Variants in PTPRJ observed in about 807,000 individuals in gnomAD.
PTPRJ encodes the protein receptor-type tyrosine-protein phosphatase eta.
Under a neutral mutation model 141.3 loss-of-function variants are expected in PTPRJ, and 129 were observed. The ratio of observed to expected loss-of-function variants is 0.91; its 90% CI spans 0.79 to 1.06. The LOEUF is 1.06. Ranked by LOEUF, PTPRJ falls within the 50% of genes least tolerant of loss-of-function variation. PTPRJ has a pLI of 0.00. For synonymous variants in PTPRJ, 610 were observed against 640.5 expected, an observed-to-expected ratio of 0.95 and a Z score of 0.72; for missense variants, 1,601 against 1,679.7, an observed-to-expected ratio of 0.95 and a Z score of 0.82.
rs1224606653 is a variant in PTPRJ, at chr11:47,980,907, C to T, written c.-6C>T. The T allele has an allele frequency of 2.3e-5, 27 of 1,153,418 alleles. 1 individual carries two copies. Among genetic ancestry groups the T allele is most frequent in the Non-Finnish European group, 3.2e-6 (3 of 938,622 alleles). 71.4% of individuals were successfully genotyped at this position (1,153,418 alleles called of 1,614,324 possible). ...CGTCCGGGGCACGTTCCAGGGCGCGCGGGGCATGAAGCCGGCGGCGCGGGA... is the reference window on the plus strand; with the variant it reads ...CGTCCGGGGCACGTTCCAGGGCGCGTGGGGCATGAAGCCGGCGGCGCGGGA... On this transcript the variant is annotated 5_prime_UTR_variant, in exon 1 of 25. Coordinates refer to ENST00000418331, the MANE Select transcript of PTPRJ (RefSeq NM_002843.4).
intron 24 of PTPRJ, among the ~76,000 whole-genome samples, chr11:48,165,319 A>C (rs1857892209): frequency 6.6e-6 from 1 of 152,240 alleles, no homozygotes; most frequent in Admixed American, 6.5e-5. Flanking sequence ...ACTATCAATT[A>C]TCATAGCTAC....
intron 2 of PTPRJ, 68 bp downstream of exon 2, chr11:48,110,144 T>C (rs944175723): frequency 6.9e-7 from 1 of 1,457,052 alleles, no homozygotes; most frequent in Non-Finnish European, 9.5e-7. Flanking sequence ...CACAGCAACA[T>C]TAACAGCAAT....
intron 1 of PTPRJ, among the ~76,000 whole-genome samples, chr11:47,996,524 T>C (rs1324882937): frequency 2.0e-5 from 3 of 152,120 alleles, no homozygotes; most frequent in Non-Finnish European, 2.9e-5. Context: ...ACTGCATCTG[T>C]AGCAACAACC....
chr11:47,998,893 A>T (rs1260013393), intron 1 of PTPRJ, among the ~76,000 whole-genome samples: 1 of 152,224 alleles, frequency 6.6e-6, no homozygotes, highest in Non-Finnish European at 1.5e-5. Context: ...TGGAGAGGAC[A>T]GAGTCTGAAG....
chr11:48,053,104 ATATATATAAAATATAT>A (rs1854617555), intron 1 of PTPRJ, among the ~76,000 whole-genome samples: 1 of 126,068 alleles, frequency 7.9e-6, no homozygotes, highest in African/African-American at 3.0e-5. Flanking sequence ...AATTTATATA[ATATATATAAAATATAT>A]TATATATAAA....
chr11:47,987,518 A>G (rs1015383534), intron 1 of PTPRJ, among the ~76,000 whole-genome samples: 1 of 152,234 alleles, frequency 6.6e-6, no homozygotes, highest in Non-Finnish European at 1.5e-5. Flanking sequence ...CAAGACTCAG[A>G]TAGCACCAAC....
chr11:48,034,152 C>G (rs1410081789), intron 1 of PTPRJ, among the ~76,000 whole-genome samples: 2 of 152,176 alleles, frequency 1.3e-5, no homozygotes, highest in Non-Finnish European at 2.9e-5. Context: ...GATGTTGGCT[C>G]TGGCCTTTGC....
At chr11:48,160,075 A>G (rs375134772) in intron 22 of PTPRJ, 26 bp downstream of exon 22, 14 of 1,610,870 alleles carry the variant, frequency 8.7e-6, no homozygotes, top group Non-Finnish European at 1.2e-5. Flanking sequence ...GGATCAGTTG[A>G]GCTCATGTAA....
intron 3 of PTPRJ, among the ~76,000 whole-genome samples, chr11:48,114,738 G>C (rs916075800): frequency 6.6e-6 from 1 of 152,192 alleles, no homozygotes; most frequent in Non-Finnish European, 1.5e-5. Flanking sequence ...GATGGGAGAT[G>C]TATGAACTGT....
intron 1 of PTPRJ, among the ~76,000 whole-genome samples, chr11:48,041,065 A>G (rs888103152): frequency 6.6e-6 from 1 of 152,014 alleles, no homozygotes; most frequent in African/African-American, 2.4e-5. Flanking sequence ...CCACTTTTGG[A>G]AATTCATGCC....
chr11:48,122,890 T>C (rs1328978349), intron 4 of PTPRJ, among the ~76,000 whole-genome samples: 1 of 152,200 alleles, frequency 6.6e-6, no homozygotes, highest in African/African-American at 2.4e-5. Flanking sequence ...TGTGCTTTTC[T>C]GTACATGAAG....
intron 1 of PTPRJ, among the ~76,000 whole-genome samples, chr11:48,049,608 G>C (rs1237499567): frequency 6.7e-6 from 1 of 150,358 alleles, no homozygotes; most frequent in African/African-American, 2.5e-5. Flanking sequence ...CATGTACTCG[G>C]GAGGCTGAGG....
chr11:48,024,295 T>G (rs1853746515), intron 1 of PTPRJ, among the ~76,000 whole-genome samples: 1 of 152,184 alleles, frequency 6.6e-6, no homozygotes, highest in African/African-American at 2.4e-5. Flanking sequence ...CCTCCTGTGT[T>G]CAAGGAATTC....
At position 48,136,146 on chromosome 11, in the gene PTPRJ, A is replaced by G. The variant is rs750870672; in HGVS notation, c.1723A>G (p.Ile575Val). ...TTCCGAGTATGTCTACCATTTAGTC[A>G]TAGAGTCCAAGCATGGCTCTAACCA... is the stretch of plus-strand genomic sequence containing the variant. ...GASEYVYHLV[I>V]ESKHGSNHTS... is the part of the protein sequence containing the mutation. The change falls in exon 9 of 25, where the codon ATA (isoleucine) becomes GTA (valine). Residue 575 changes from isoleucine (I) to valine (V), a missense_variant. Physicochemically the swap from Ile to Val is conservative, Grantham distance 29. Transcript: ENST00000418331. 6.2e-6 allele frequency: 10 copies of G among 1,614,216 alleles called. No homozygotes were observed. The highest frequency in any genetic ancestry group is 8.5e-6 in the Non-Finnish European group (10 of 1,180,038).
rs1014542280 is a variant in PTPRJ, at chr11:48,168,440, T to G, written c.*1078T>G. The G allele has an allele frequency of 2.0e-5, 3 of 149,312 alleles. No individual in the cohort carries two copies. Among genetic ancestry groups the G allele is most frequent in the Non-Finnish European group, 4.4e-5 (3 of 67,416 alleles). The allele number at this position is 149,312 out of a possible 1,614,324, so 9.2% of individuals were successfully genotyped here. On this transcript the variant is annotated 3_prime_UTR_variant, in exon 25 of 25. Transcript: ENST00000418331. ...CAGAAGCGTGGCAATCTGTGAACAC[T>G]TCAGCGTGAATTCAGTGTCAGATTA... is the stretch of plus-strand genomic sequence containing the variant.
rs1856806513 is a variant in PTPRJ at position 48,125,200 on chromosome 11, T to C, written c.1093+14T>C. 5 of 1,611,642 alleles carry C rather than the reference T, an allele frequency of 3.1e-6. No individual in the cohort carries two copies. Among genetic ancestry groups the C allele is most frequent in the Non-Finnish European group, 4.2e-6 (5 of 1,177,818 alleles). On this transcript the variant is annotated intron_variant, in intron 6 of 24. Transcript: ENST00000418331. ...AGTTCAGGACAAGTAGGTTGAACTT[T>C]GTAAAATGGTGGCAGCCAGAGTTTC... is the stretch of plus-strand genomic sequence containing the variant.
chr11:48,090,702 G>A (rs576839322), intron 1 of PTPRJ, among the ~76,000 whole-genome samples: 4 of 152,272 alleles, frequency 2.6e-5, no homozygotes, highest in African/African-American at 7.2e-5. Flanking sequence ...TTCCCAATTC[G>A]CTTAAATTCG....
At chr11:48,039,021 G>A (rs1365138993) in intron 1 of PTPRJ, among the ~76,000 whole-genome samples, 12 of 151,166 alleles carry the variant, frequency 7.9e-5, no homozygotes, top group African/African-American at 1.5e-4. Flanking sequence ...GTGGTGGCGG[G>A]TGCCTGTAGT....
At chr11:48,102,608 C>T (rs1349850605) in intron 1 of PTPRJ, among the ~76,000 whole-genome samples, 1 of 151,980 alleles carries the variant, frequency 6.6e-6, no homozygotes, top group Non-Finnish European at 1.5e-5. Context: ...GACGGGGTTT[C>T]ACCATGTTAC....
Sources: allele counts gnomAD v4.1 joint callset (sites outside exome capture counted in the v4.1 genomes callset), GRCh38; gene constraint gnomAD v4.1.1; transcripts MANE v1.5; gene names NCBI Gene and HGNC (gene_info 2026-07-23, HGNC 2026-07-21).